SEMA3A: variants seen among roughly 807,000 people sequenced by gnomAD.
SEMA3A encodes semaphorin 3A.
SEMA3A carries 29 observed loss-of-function variants against 97.9 expected under a neutral mutation model. That is an observed-to-expected ratio of 0.30 (90% CI 0.22 to 0.40). The LOEUF (loss-of-function observed/expected upper bound fraction) is 0.40. Ranked by LOEUF, SEMA3A falls within the 10% of genes least tolerant of loss-of-function variation. The probability of loss-of-function intolerance (pLI) is 1.00; values close to 1 mark genes in which losing one functional copy is unlikely to be tolerated. For missense variants in SEMA3A, 763 were observed against 951.3 expected, an observed-to-expected ratio of 0.80 and a Z score of 2.60; for synonymous variants, 321 against 323.7, an observed-to-expected ratio of 0.99 and a Z score of 0.09.
At chr7:84,466,318 G>A (rs1436513649) in intron 1 of SEMA3A, among the ~76,000 whole-genome samples, 2 of 151,710 alleles carry the variant, frequency 1.3e-5, no homozygotes, top group African/African-American at 4.8e-5. Flanking sequence ...GATTACAGGC[G>A]CCTGCCACCA....
At chr7:84,388,422 C>A (rs1803456314) in intron 1 of SEMA3A, among the ~76,000 whole-genome samples, 1 of 151,886 alleles carries the variant, frequency 6.6e-6, no homozygotes, top group Non-Finnish European at 1.5e-5. Flanking sequence ...AGCACATGTT[C>A]TGTCATTTTT....
intron 1 of SEMA3A, among the ~76,000 whole-genome samples, chr7:84,137,796 T>C (rs550932369): frequency 3.9e-5 from 6 of 152,046 alleles, no homozygotes; most frequent in African/African-American, 1.4e-4. Flanking sequence ...TGGATTTTAA[T>C]TGCAAATGCA....
intron 3 of SEMA3A, among the ~76,000 whole-genome samples, chr7:84,207,247 A>G (rs1033346302): frequency 2.6e-5 from 4 of 152,212 alleles, no homozygotes; most frequent in Admixed American, 6.6e-5. Context: ...TAAGTGAATT[A>G]CTTCCTGACT....
intron 3 of SEMA3A, among the ~76,000 whole-genome samples, chr7:84,209,545 G>T (rs1192735233): frequency 1.3e-5 from 2 of 152,064 alleles, no homozygotes; most frequent in African/African-American, 4.8e-5. Context: ...TCCACCTTCT[G>T]TTCCTTCTTG....
chr7:84,410,590 T>C (rs574527848), intron 1 of SEMA3A, among the ~76,000 whole-genome samples: 12 of 152,272 alleles, frequency 7.9e-5, no homozygotes, highest in African/African-American at 2.6e-4. Context: ...GTTGGAAATG[T>C]AGTAGTTGTG....
intron 1 of SEMA3A, among the ~76,000 whole-genome samples, chr7:84,150,382 C>T (rs535329418): frequency 1.3e-5 from 2 of 151,776 alleles, no homozygotes; most frequent in African/African-American, 2.4e-5. Flanking sequence ...AGTGGGTGCG[C>T]ACACTGTGCG....
chr7:84,407,269 A>T (rs1407252594), intron 1 of SEMA3A, among the ~76,000 whole-genome samples: 1 of 152,224 alleles, frequency 6.6e-6, no homozygotes, highest in African/African-American at 2.4e-5. Context: ...AGAGAGCCAA[A>T]TCATGAGTGA....
At chr7:84,404,206 G>A (rs1241577200) in intron 1 of SEMA3A, among the ~76,000 whole-genome samples, 2 of 152,190 alleles carry the variant, frequency 1.3e-5, no homozygotes, top group African/African-American at 2.4e-5. Context: ...TCAAGGACCT[G>A]ATGGAGCTGA....
chr7:84,005,312 G>T lies in SEMA3A; in HGVS notation c.1360+27C>A, dbSNP rs745736222. 3.2e-6 allele frequency: 5 copies of T among 1,550,730 alleles called. No homozygotes were observed. In the African/African-American group the frequency reaches 6.8e-5, roughly 21 times the overall value. Reference sequence around the variant, plus strand: ...AGTTAAACATAGTGTTCGGAAAAAAGTTTACAGCTGAAATTTAAAAATTTA... The same window carrying T: ...AGTTAAACATAGTGTTCGGAAAAAATTTTACAGCTGAAATTTAAAAATTTA... On this transcript the variant is annotated intron_variant, in intron 11 of 16. Transcript: ENST00000265362.
chr7:84,257,052 G>A (rs1799733279), intron 3 of SEMA3A, among the ~76,000 whole-genome samples: 1 of 151,954 alleles, frequency 6.6e-6, no homozygotes, highest in African/African-American at 2.4e-5. Flanking sequence ...TTAGAGAACT[G>A]CCAAAAATCA....
intron 5 of SEMA3A, among the ~76,000 whole-genome samples, chr7:84,052,379 C>A (rs1479983502): frequency 6.6e-6 from 1 of 152,158 alleles, no homozygotes; most frequent in Non-Finnish European, 1.5e-5. Flanking sequence ...ATTATTGCCA[C>A]AATTTCAGAT....
At chr7:83,970,050 G>C (rs1399013143) in intron 15 of SEMA3A, among the ~76,000 whole-genome samples, 1 of 152,066 alleles carries the variant, frequency 6.6e-6, no homozygotes, top group African/African-American at 2.4e-5. Flanking sequence ...TTGTTAAATT[G>C]GCATAATGAT....
At chr7:84,316,773 T>C (rs1243259387) in intron 2 of SEMA3A, among the ~76,000 whole-genome samples, 2 of 152,086 alleles carry the variant, frequency 1.3e-5, no homozygotes, top group Non-Finnish European at 1.5e-5. Flanking sequence ...CCAAAACTGT[T>C]AGTGGTCCAA....
At chr7:83,979,426 C>G (rs1273846646) in intron 14 of SEMA3A, among the ~76,000 whole-genome samples, 3 of 152,108 alleles carry the variant, frequency 2.0e-5, no homozygotes, top group African/African-American at 4.8e-5. Context: ...GCCACGGTGT[C>G]GGGCTGAATT....
intron 3 of SEMA3A, among the ~76,000 whole-genome samples, chr7:84,273,211 T>A (rs759541389): frequency 7.2e-5 from 11 of 152,140 alleles, no homozygotes; most frequent in Admixed American, 2.0e-4. Flanking sequence ...AATTGTACTA[T>A]ACTATCTTTG....
At chr7:83,972,638 T>G (rs1295199881) in intron 15 of SEMA3A, among the ~76,000 whole-genome samples, 4 of 152,116 alleles carry the variant, frequency 2.6e-5, no homozygotes, top group Non-Finnish European at 4.4e-5. Context: ...GAAAATACCA[T>G]CCTGTATTTT....
chr7:84,091,255 G>A (rs1339290948), intron 4 of SEMA3A, among the ~76,000 whole-genome samples: 10 of 131,740 alleles, frequency 7.6e-5, no homozygotes, highest in African/African-American at 2.0e-4. Context: ...AGGAAAGAAC[G>A]AAGGAAAGAG....
At chr7:84,223,203 T>C in intron 3 of SEMA3A, among the ~76,000 whole-genome samples, 1 of 151,774 alleles carries the variant, frequency 6.6e-6, no homozygotes, top group Non-Finnish European at 1.5e-5. Flanking sequence ...CAAAGTTTAG[T>C]TAATGTTTCA....
intron 3 of SEMA3A, among the ~76,000 whole-genome samples, chr7:84,290,835 C>T (rs1317688873): frequency 6.6e-6 from 1 of 152,114 alleles, no homozygotes; most frequent in African/African-American, 2.4e-5. Flanking sequence ...AAAGATTTTA[C>T]ATGAGCAGAT....
Sources: gnomAD v4.1 joint callset for allele counts (sites outside exome capture counted in the v4.1 genomes callset) on GRCh38, gnomAD v4.1.1 for gene constraint, MANE v1.5 for transcripts, NCBI Gene and HGNC (gene_info 2026-07-23, HGNC 2026-07-21) for gene names.